The following GABRG3 variants were observed in gnomAD, a reference collection of about 807,000 sequenced individuals.
GABRG3 encodes gamma-aminobutyric acid type A receptor subunit gamma3, also known as gamma-aminobutyric acid receptor subunit gamma-3.
GABRG3 carries 25 observed loss-of-function variants against 48.8 expected under a neutral mutation model. The observed-to-expected ratio is 0.51, with a 90% CI of 0.37 to 0.72. GABRG3 has a LOEUF of 0.72. Ranked by LOEUF, GABRG3 falls within the 30% of genes least tolerant of loss-of-function variation. The probability of loss-of-function intolerance (pLI) is 0.00; values close to 1 mark genes in which losing one functional copy is unlikely to be tolerated. For missense variants in GABRG3, 394 were observed against 577.9 expected, an observed-to-expected ratio of 0.68 and a Z score of 3.26; for synonymous variants, 227 against 217.6, an observed-to-expected ratio of 1.04 and a Z score of -0.38.
intron 3 of GABRG3, among the ~76,000 whole-genome samples, chr15:27,256,180 T>C (rs144174401): frequency 2.8e-3 from 433 of 152,162 alleles, no homozygotes; most frequent in South Asian, 7.5e-3. Flanking sequence ...TGGTGGCTCA[T>C]GCCTGTAATC....
At chr15:27,000,958 T>C (rs947814078) in intron 2 of GABRG3, among the ~76,000 whole-genome samples, 2 of 152,198 alleles carry the variant, frequency 1.3e-5, no homozygotes, top group Non-Finnish European at 2.9e-5. Flanking sequence ...ATGGGGAGAC[T>C]GGAAACCATT....
At chr15:27,364,854 A>G (rs1895138208) in intron 5 of GABRG3, 1 of 152,262 alleles carries the variant, frequency 6.6e-6, no homozygotes, top group African/African-American at 2.4e-5. Flanking sequence ...AAGAAAGGGT[A>G]TCCTATAATA....
intron 5 of GABRG3, among the ~76,000 whole-genome samples, chr15:27,423,195 A>G (rs545004167): frequency 5.0e-5 from 7 of 141,346 alleles, no homozygotes; most frequent in Non-Finnish European, 6.1e-5. Flanking sequence ...CTGGAATGGC[A>G]TGGTTCATTG....
chr15:27,375,040 TG>T (rs924113376), intron 5 of GABRG3, among the ~76,000 whole-genome samples: 4 of 151,464 alleles, frequency 2.6e-5, no homozygotes, highest in Admixed American at 2.6e-4. Context: ...TGGATAATTT[TG>T]GGGGGGTGGG....
At chr15:27,383,942 G>A (rs568569443) in intron 5 of GABRG3, among the ~76,000 whole-genome samples, 47 of 152,292 alleles carry the variant, frequency 3.1e-4, no homozygotes, top group Admixed American at 1.6e-3. Flanking sequence ...AATGTTGGTG[G>A]AGGCCAAACA....
intron 3 of GABRG3, among the ~76,000 whole-genome samples, chr15:27,273,638 C>T (rs950920289): frequency 6.6e-6 from 1 of 152,212 alleles, no homozygotes; most frequent in Non-Finnish European, 1.5e-5. Flanking sequence ...TAAGGAAGTA[C>T]AGTCACCTGA....
At chr15:27,414,128 C>G (rs1595738612) in intron 5 of GABRG3, among the ~76,000 whole-genome samples, 2 of 152,186 alleles carry the variant, frequency 1.3e-5, no homozygotes, top group Non-Finnish European at 2.9e-5. Flanking sequence ...TATTCTCAAG[C>G]TGCCTAAAGT....
chr15:27,330,411 C>T (rs975521376), intron 5 of GABRG3, among the ~76,000 whole-genome samples: 3 of 152,222 alleles, frequency 2.0e-5, no homozygotes, highest in African/African-American at 4.8e-5. Flanking sequence ...TTCTGCTCCT[C>T]GCAAGTGTGC....
At chr15:27,051,947 T>C (rs1385167202) in intron 3 of GABRG3, among the ~76,000 whole-genome samples, 2 of 152,170 alleles carry the variant, frequency 1.3e-5, no homozygotes, top group African/African-American at 4.8e-5. Flanking sequence ...CAGTTCACAA[T>C]AGGGTTCGTG....
chr15:27,316,763 G>A (rs1175026724), intron 3 of GABRG3, among the ~76,000 whole-genome samples: 1 of 152,116 alleles, frequency 6.6e-6, no homozygotes, highest in Non-Finnish European at 1.5e-5. Flanking sequence ...TGAGAGTGTG[G>A]TTTCATTAAA....
intron 5 of GABRG3, among the ~76,000 whole-genome samples, chr15:27,452,860 G>T (rs970374601): frequency 1.2e-4 from 18 of 152,206 alleles, no homozygotes; most frequent in Admixed American, 2.6e-4. Flanking sequence ...AATTGCAGCA[G>T]CATTATTCAC....
At chr15:27,431,941 G>A (rs1003226015) in intron 5 of GABRG3, among the ~76,000 whole-genome samples, 2 of 151,776 alleles carry the variant, frequency 1.3e-5, no homozygotes, top group African/African-American at 4.8e-5. Context: ...CCACATTTTT[G>A]TGTATTTCCC....
intron 3 of GABRG3, among the ~76,000 whole-genome samples, chr15:27,041,836 A>G (rs1323376467): frequency 6.6e-6 from 1 of 152,130 alleles, no homozygotes; most frequent in Non-Finnish European, 1.5e-5. Flanking sequence ...GAGAGGTGCC[A>G]TCAGTCCCAG....
At chr15:27,382,251 T>C (rs1895797810) in intron 5 of GABRG3, among the ~76,000 whole-genome samples, 1 of 152,184 alleles carries the variant, frequency 6.6e-6, no homozygotes, top group Admixed American at 6.5e-5. Flanking sequence ...TGATGCCATA[T>C]TCTAGGTTAG....
intron 3 of GABRG3, among the ~76,000 whole-genome samples, chr15:27,323,221 A>G (rs2140516111): frequency 6.6e-6 from 1 of 152,348 alleles, no homozygotes; most frequent in South Asian, 2.1e-4. Context: ...TTTTTGACAT[A>G]TTGAGTAATG....
intron 3 of GABRG3, among the ~76,000 whole-genome samples, chr15:27,045,341 A>C (rs776047482): frequency 2.6e-5 from 4 of 152,218 alleles, no homozygotes; most frequent in Admixed American, 2.0e-4. Flanking sequence ...CCCGAAACTC[A>C]CATGAGGGTA....
At chr15:27,463,447 G>A (rs192795383) in intron 5 of GABRG3, among the ~76,000 whole-genome samples, 110 of 152,242 alleles carry the variant, frequency 7.2e-4, no homozygotes, top group African/African-American at 2.4e-3. Context: ...TGGTATCACC[G>A]AAGTGTGGAT....
intron 2 of GABRG3, among the ~76,000 whole-genome samples, chr15:27,016,295 G>A (rs2140671370): frequency 6.8e-6 from 1 of 148,046 alleles, no homozygotes; most frequent in Middle Eastern, 3.7e-3. Flanking sequence ...GGAGTGCAGT[G>A]GCTCTATGAC....
chr15:27,350,193 T>C (rs1217676083), intron 5 of GABRG3: 3 of 455,898 alleles, frequency 6.6e-6, no homozygotes, highest in Non-Finnish European at 1.3e-5. Flanking sequence ...TCAAGCTTGA[T>C]GGTGTCTTAC....
Sources: gnomAD v4.1 joint callset for allele counts (sites outside exome capture counted in the v4.1 genomes callset) on GRCh38, gnomAD v4.1.1 for gene constraint, MANE v1.5 for transcripts, NCBI Gene and HGNC (gene_info 2026-07-23, HGNC 2026-07-21) for gene names.